NRXN1: variants seen among roughly 807,000 people sequenced by gnomAD.
The protein encoded by NRXN1 is neurexin 1, also known as neurexin-1.
Under a neutral mutation model 150.9 loss-of-function variants are expected in NRXN1, and 39 were observed. The ratio of observed to expected loss-of-function variants is 0.26; its 90% CI spans 0.20 to 0.34. The LOEUF is 0.34. NRXN1 is among the 10% of genes least tolerant of loss of function. NRXN1 has a pLI of 1.00. For missense variants in NRXN1, 1,815 were observed against 1,949.9 expected, an observed-to-expected ratio of 0.93 and a Z score of 1.30; for synonymous variants, 924 against 757.0, an observed-to-expected ratio of 1.22 and a Z score of -3.62.
intron 5 of NRXN1, among the ~76,000 whole-genome samples, chr2:50,657,350 C>A (rs1054462781): frequency 3.3e-5 from 5 of 152,052 alleles, no homozygotes; most frequent in Non-Finnish European, 7.4e-5. Context: ...CCACTACCAC[C>A]TACACCTTGC....
intron 5 of NRXN1, among the ~76,000 whole-genome samples, chr2:50,715,143 C>A (rs1026235209): frequency 2.0e-5 from 3 of 152,094 alleles, no homozygotes; most frequent in African/African-American, 4.8e-5. Context: ...TTCTGTCATC[C>A]ACTCAAATAG....
At chr2:50,868,375 T>C (rs909187920) in intron 5 of NRXN1, among the ~76,000 whole-genome samples, 15 of 122,404 alleles carry the variant, frequency 1.2e-4, no homozygotes, top group Admixed American at 6.9e-4. Flanking sequence ...TGTGGAATAA[T>C]AGACACTGGT....
At chr2:50,389,552 T>C (rs72824942) in intron 17 of NRXN1, among the ~76,000 whole-genome samples, 1 of 152,178 alleles carries the variant, frequency 6.6e-6, no homozygotes, top group Non-Finnish European at 1.5e-5. Context: ...CTTTGTCTTT[T>C]CTCTCTTCTC....
chr2:49,955,462 G>A (rs1674757657), intron 21 of NRXN1, among the ~76,000 whole-genome samples: 1 of 152,108 alleles, frequency 6.6e-6, no homozygotes, highest in Non-Finnish European at 1.5e-5. Context: ...GAGAATGACT[G>A]AAGGTTAGAA....
intron 17 of NRXN1, among the ~76,000 whole-genome samples, chr2:50,450,456 C>G (rs1009825830): frequency 1.3e-5 from 2 of 150,844 alleles, no homozygotes; most frequent in African/African-American, 4.9e-5. Flanking sequence ...AAAAAAATCC[C>G]TTCTATCCTG....
At chr2:50,341,639 T>C (rs946223461) in intron 17 of NRXN1, among the ~76,000 whole-genome samples, 20 of 152,246 alleles carry the variant, frequency 1.3e-4, no homozygotes, top group Admixed American at 3.3e-4. Context: ...ATTATTAGTG[T>C]AAATTTAAAT....
chr2:50,083,586 G>A (rs1306043453), intron 19 of NRXN1, among the ~76,000 whole-genome samples: 1 of 152,072 alleles, frequency 6.6e-6, no homozygotes, highest in South Asian at 2.1e-4. Context: ...TCCACAACAC[G>A]CAAGAGGACC....
chr2:49,933,250 C>G (rs1000253312), intron 22 of NRXN1, among the ~76,000 whole-genome samples: 4 of 152,032 alleles, frequency 2.6e-5, no homozygotes, highest in Non-Finnish European at 5.9e-5. Flanking sequence ...CCACGCCCGG[C>G]TAATTTTTTG....
intron 18 of NRXN1, among the ~76,000 whole-genome samples, chr2:50,163,144 T>C: frequency 9.2e-6 from 1 of 108,700 alleles, no homozygotes; most frequent in Admixed American, 1.2e-4. Context: ...ATAACAGTTA[T>C]AGATCTATCA....
Position 50,018,476 on chromosome 2 carries a change from C to A in NRXN1, c.4128+34795G>T, listed in dbSNP as rs1380282552. Among the ~76,000 whole-genome samples the A allele has an allele frequency of 2.0e-5, 3 of 152,128 alleles. No homozygotes were observed. The East Asian group carries it at 5.8e-4, about 29-fold the overall frequency. ...GAAGGCAGTAATGGATCCATTCCAA[C>A]CATGACTTCATGACAAAATGCTGTG... On this transcript the variant is annotated intron_variant, in intron 21 of 22. Coordinates refer to ENST00000401669, the MANE Select transcript of NRXN1 (RefSeq NM_001330078.2).
chr2:50,067,065 T>C (rs1695474246), intron 19 of NRXN1, among the ~76,000 whole-genome samples: 1 of 152,204 alleles, frequency 6.6e-6, no homozygotes, highest in Admixed American at 6.5e-5. Context: ...ATGCTTCAGA[T>C]GACATCCCAG....
chr2:51,014,136 A>C (rs1183546706), intron 2 of NRXN1, among the ~76,000 whole-genome samples: 1 of 152,076 alleles, frequency 6.6e-6, no homozygotes, highest in Non-Finnish European at 1.5e-5. Context: ...GGTCACTGAA[A>C]GTGCAGTGAT....
At chr2:50,268,538 T>C (rs1390482996) in intron 17 of NRXN1, among the ~76,000 whole-genome samples, 2 of 152,106 alleles carry the variant, frequency 1.3e-5, no homozygotes, top group Non-Finnish European at 2.9e-5. Context: ...GGAATATAAT[T>C]GAGCTCACAG....
intron 5 of NRXN1, among the ~76,000 whole-genome samples, chr2:50,827,501 T>A (rs1670617695): frequency 6.6e-6 from 1 of 152,104 alleles, no homozygotes; most frequent in South Asian, 2.1e-4. Context: ...AAAAATAATT[T>A]TTAAAAATGA....
chr2:50,292,980 T>A (rs1382588156), intron 17 of NRXN1, among the ~76,000 whole-genome samples: 1 of 152,200 alleles, frequency 6.6e-6, no homozygotes, highest in Non-Finnish European at 1.5e-5. Context: ...TGGTTCGATA[T>A]AAAGTGACAC....
intron 5 of NRXN1, among the ~76,000 whole-genome samples, chr2:50,844,686 G>A (rs1288263803): frequency 6.6e-6 from 1 of 152,072 alleles, no homozygotes; most frequent in Non-Finnish European, 1.5e-5. Flanking sequence ...GGTTTCAGAC[G>A]CCACCCAGGT....
intron 2 of NRXN1, among the ~76,000 whole-genome samples, chr2:50,981,457 C>CAA (rs70958635): frequency 0.015 from 353 of 23,246 alleles, 51 homozygotes; most frequent in African/African-American, 0.034. Flanking sequence ...AACTCTATCT[C>CAA]AAAAAAAAAA....
At chr2:50,270,214 G>T (rs1378204488) in intron 17 of NRXN1, among the ~76,000 whole-genome samples, 1 of 152,000 alleles carries the variant, frequency 6.6e-6, no homozygotes, top group African/African-American at 2.4e-5. Flanking sequence ...AATGGTTGCT[G>T]GTCACCATGA....
At chr2:50,504,777 A>G (rs1031179583) in intron 13 of NRXN1, among the ~76,000 whole-genome samples, 1 of 152,272 alleles carries the variant, frequency 6.6e-6, no homozygotes, top group South Asian at 2.1e-4. Context: ...AAACTACTTC[A>G]TCTAGACCAT....
Sources: gnomAD v4.1 joint callset for allele counts (sites outside exome capture counted in the v4.1 genomes callset) on GRCh38, gnomAD v4.1.1 for gene constraint, MANE v1.5 for transcripts, NCBI Gene and HGNC (gene_info 2026-07-23, HGNC 2026-07-21) for gene names.